Variants in NOS1AP observed in about 807,000 individuals in gnomAD.
NOS1AP encodes the protein carboxyl-terminal PDZ ligand of neuronal nitric oxide synthase protein.
NOS1AP carries 21 observed loss-of-function variants against 56.2 expected under a neutral mutation model. The observed-to-expected ratio is 0.37, with a 90% CI of 0.26 to 0.54. The LOEUF (loss-of-function observed/expected upper bound fraction) is 0.54, where lower values mean the gene tolerates loss of function less well. Among genes scored for constraint, NOS1AP ranks in the 20% least tolerant of loss-of-function variants. NOS1AP has a pLI of 0.84. For synonymous variants in NOS1AP, 270 were observed against 274.6 expected, an observed-to-expected ratio of 0.98 and a Z score of 0.17; for missense variants, 522 against 657.8, an observed-to-expected ratio of 0.79 and a Z score of 2.26.
intron 2 of NOS1AP, among the ~76,000 whole-genome samples, chr1:162,265,134 C>T (rs1330391829): frequency 6.6e-6 from 1 of 151,996 alleles, no homozygotes; most frequent in Non-Finnish European, 1.5e-5. Context: ...TACTTTCTAT[C>T]TATATTTTAA....
At chr1:162,164,634 T>C (rs1169999578) in intron 2 of NOS1AP, among the ~76,000 whole-genome samples, 1 of 152,208 alleles carries the variant, frequency 6.6e-6, no homozygotes, top group Non-Finnish European at 1.5e-5. Flanking sequence ...GTGTCTGGCT[T>C]ATTTCACTAA....
chr1:162,233,842 C>A (rs1296381887), intron 2 of NOS1AP, among the ~76,000 whole-genome samples: 1 of 152,188 alleles, frequency 6.6e-6, no homozygotes, highest in Non-Finnish European at 1.5e-5. Flanking sequence ...AGATGTTTAA[C>A]CTCTTCTCCA....
At chr1:162,122,038 G>A (rs1648262895) in intron 1 of NOS1AP, among the ~76,000 whole-genome samples, 1 of 152,186 alleles carries the variant, frequency 6.6e-6, no homozygotes, top group Non-Finnish European at 1.5e-5. Context: ...TACTGTAATT[G>A]CAAATGACCT....
At chr1:162,086,438 C>T (rs1364735387) in intron 1 of NOS1AP, among the ~76,000 whole-genome samples, 1 of 152,154 alleles carries the variant, frequency 6.6e-6, no homozygotes, top group Admixed American at 6.5e-5. Flanking sequence ...CTTCCTTGCC[C>T]ACCCTGAGTA....
chr1:162,320,447 C>T (rs983487323), intron 4 of NOS1AP, among the ~76,000 whole-genome samples: 38 of 152,228 alleles, frequency 2.5e-4, no homozygotes, highest in African/African-American at 4.6e-4. Flanking sequence ...GGAAAGTATT[C>T]GTTTGCTTGA....
intron 9 of NOS1AP, among the ~76,000 whole-genome samples, chr1:162,365,997 A>G (rs900005291): frequency 6.6e-6 from 1 of 152,186 alleles, no homozygotes; most frequent in African/African-American, 2.4e-5. Context: ...ACTACTCTGC[A>G]CTATGTATTT....
Position 162,151,029 on chromosome 1 carries a change from C to A in NOS1AP, c.106-3376C>A, listed in dbSNP as rs146709531. Among the ~76,000 whole-genome samples the A allele has an allele frequency of 1.1e-4, 17 of 152,314 alleles. No individual in the cohort carries two copies. In the East Asian group the frequency reaches 3.3e-3, roughly 29 times the overall value. ...GCTCATGGGGTATTACTCAAGAAATCTTTGCCCGGTCCAATGTCCTGGAGA... is the reference window on the plus strand; with the variant it reads ...GCTCATGGGGTATTACTCAAGAAATATTTGCCCGGTCCAATGTCCTGGAGA... On this transcript the variant is annotated intron_variant, in intron 1 of 9. Transcript: ENST00000361897.
chr1:162,318,209 T>C, intron 4 of NOS1AP, among the ~76,000 whole-genome samples: 1 of 152,242 alleles, frequency 6.6e-6, no homozygotes, highest in East Asian at 1.9e-4. Flanking sequence ...GCTTAGGTTT[T>C]GCCATCCTAA....
intron 8 of NOS1AP, among the ~76,000 whole-genome samples, chr1:162,360,232 G>T (rs549878687): frequency 6.6e-6 from 1 of 152,108 alleles, no homozygotes; most frequent in Non-Finnish European, 1.5e-5. Context: ...AAGTATTTCC[G>T]GGTTAGACCT....
At chr1:162,170,679 C>T (rs2102128577) in intron 2 of NOS1AP, among the ~76,000 whole-genome samples, 1 of 152,288 alleles carries the variant, frequency 6.6e-6, no homozygotes, top group East Asian at 1.9e-4. Context: ...GTAATCCCAG[C>T]ACCTTGGGAG....
At chr1:162,127,814 C>T (rs1351917789) in intron 1 of NOS1AP, among the ~76,000 whole-genome samples, 2 of 152,192 alleles carry the variant, frequency 1.3e-5, no homozygotes, top group African/African-American at 4.8e-5. Context: ...ATCCAGTCAC[C>T]TGTCACCAGG....
At chr1:162,240,328 C>G (rs917172595) in intron 2 of NOS1AP, among the ~76,000 whole-genome samples, 1 of 151,174 alleles carries the variant, frequency 6.6e-6, no homozygotes, top group Non-Finnish European at 1.5e-5. Flanking sequence ...GGATTCCTGC[C>G]TTCTGGCCCT....
chr1:162,085,279 G>A (rs962763747), intron 1 of NOS1AP, among the ~76,000 whole-genome samples: 7 of 151,898 alleles, frequency 4.6e-5, no homozygotes, highest in African/African-American at 1.7e-4. Context: ...TATAATGTCT[G>A]GAGTTTTTAG....
intron 4 of NOS1AP, among the ~76,000 whole-genome samples, chr1:162,322,629 G>T (rs1656459273): frequency 6.6e-6 from 1 of 152,176 alleles, no homozygotes; most frequent in Admixed American, 6.5e-5. Context: ...GAAGAAACAT[G>T]GATGGAAAGT....
At chr1:162,268,074 T>G (rs2101715202) in intron 2 of NOS1AP, among the ~76,000 whole-genome samples, 1 of 152,022 alleles carries the variant, frequency 6.6e-6, no homozygotes, top group East Asian at 1.9e-4. Context: ...GCCTGGCCAA[T>G]ACATTAAAAC....
At position 162,219,091 on chromosome 1, in the gene NOS1AP, G is replaced by T. The variant is rs1287573841; in HGVS notation, c.177+64615G>T. Among the ~76,000 whole-genome samples the T allele has an allele frequency of 5.9e-5, 9 of 151,948 alleles. No homozygotes were observed. The South Asian group carries it at 1.9e-3, about 32-fold the overall frequency. ...TAGCTTCGGCATGACATTCCATCTG[G>T]GTTAGAATCTTCACTCCTTTATTTA... is the stretch of plus-strand genomic sequence containing the variant. On this transcript the variant is annotated intron_variant, in intron 2 of 9. Transcript: ENST00000361897.
intron 2 of NOS1AP, among the ~76,000 whole-genome samples, chr1:162,247,362 A>G (rs1204434039): frequency 6.6e-6 from 1 of 152,152 alleles, no homozygotes; most frequent in Non-Finnish European, 1.5e-5. Flanking sequence ...AACCAGAGGG[A>G]AGGAACTGCA....
At chr1:162,295,590 G>T (rs1034810777) in intron 3 of NOS1AP, among the ~76,000 whole-genome samples, 9 of 152,024 alleles carry the variant, frequency 5.9e-5, no homozygotes, top group African/African-American at 2.2e-4. Flanking sequence ...GTTTGTTTGT[G>T]TTGTTTTGTT....
chr1:162,300,005 C>T (rs188247044), intron 3 of NOS1AP, among the ~76,000 whole-genome samples: 1 of 152,128 alleles, frequency 6.6e-6, no homozygotes, highest in South Asian at 2.1e-4. Context: ...CGCTTTCCCC[C>T]CTCTTGAGTC....
Sources: gnomAD v4.1 joint callset for allele counts (sites outside exome capture counted in the v4.1 genomes callset) on GRCh38, gnomAD v4.1.1 for gene constraint, MANE v1.5 for transcripts, NCBI Gene and HGNC (gene_info 2026-07-23, HGNC 2026-07-21) for gene names.